SNTB1: variants seen among roughly 807,000 people sequenced by gnomAD.
SNTB1 encodes the protein syntrophin beta 1.
A neutral mutation model predicts 48.9 loss-of-function variants in SNTB1; 36 were observed. The observed-to-expected ratio is 0.74, with a 90% CI of 0.56 to 0.97. SNTB1 has a LOEUF of 0.97. Ranked by LOEUF, SNTB1 falls within the 50% of genes least tolerant of loss-of-function variation. The pLI is 0.00. For synonymous variants in SNTB1, 299 were observed against 294.6 expected (o/e 1.01, Z -0.15); for missense variants, 786 against 703.4 (o/e 1.12, Z -1.33).
At chr8:120,550,671 A>T (rs2130654138) in intron 4 of SNTB1, among the ~76,000 whole-genome samples, 1 of 152,246 alleles carries the variant, frequency 6.6e-6, no homozygotes, top group Non-Finnish European at 1.5e-5. Context: ...ACATGTAGAG[A>T]TTAAGCTCAA....
chr8:120,642,836 C>A (rs1439392953), intron 2 of SNTB1, among the ~76,000 whole-genome samples: 1 of 152,100 alleles, frequency 6.6e-6, no homozygotes, highest in Non-Finnish European at 1.5e-5. Flanking sequence ...TGCTTGGGCC[C>A]AGGTCAAGGC....
intron 3 of SNTB1, among the ~76,000 whole-genome samples, chr8:120,579,383 T>C (rs1816006493): frequency 6.6e-6 from 1 of 152,130 alleles, no homozygotes; most frequent in South Asian, 2.1e-4. Flanking sequence ...TCTTCTAAAA[T>C]ATCTAGAATC....
intron 2 of SNTB1, among the ~76,000 whole-genome samples, chr8:120,651,100 C>T (rs191384174): frequency 6.6e-6 from 1 of 152,132 alleles, no homozygotes; most frequent in African/African-American, 2.4e-5. Flanking sequence ...TCCTAGTTTA[C>T]AATGAACAGT....
At chr8:120,780,021 A>T (rs1161429137) in intron 1 of SNTB1, among the ~76,000 whole-genome samples, 1 of 151,968 alleles carries the variant, frequency 6.6e-6, no homozygotes, top group Non-Finnish European at 1.5e-5. Flanking sequence ...GTTGCAAAAA[A>T]GTAACAGTGG....
At chr8:120,637,779 A>G in intron 2 of SNTB1, 1 of 361,204 alleles carries the variant, frequency 2.8e-6, no homozygotes, top group South Asian at 2.4e-5. Flanking sequence ...TTTCTGCGTC[A>G]TTCTTCTCTA....
intron 3 of SNTB1, among the ~76,000 whole-genome samples, chr8:120,626,280 T>C (rs771376978): frequency 6.6e-6 from 1 of 152,148 alleles, no homozygotes; most frequent in Non-Finnish European, 1.5e-5. Context: ...TAGGGATGAA[T>C]AGATAGATAC....
Position 120,572,700 on chromosome 8 carries a change from C to T in SNTB1, c.1136+2386G>A, listed in dbSNP as rs1166373232. On this transcript the variant is annotated intron_variant, in intron 4 of 6. Coordinates refer to ENST00000517992, the MANE Select transcript of SNTB1 (RefSeq NM_021021.4). ...GGTCAGGAGTTCAAGACCAGCTTGG[C>T]CAACATGGTGAAACCCTGTCTCTAC... Among the ~76,000 whole-genome samples the T allele has an allele frequency of 3.3e-5, 5 of 151,994 alleles. No homozygotes were observed. The South Asian group carries it at 6.2e-4, about 19-fold the overall frequency.
At chr8:120,635,963 C>T in intron 2 of SNTB1, 1 of 557,466 alleles carries the variant, frequency 1.8e-6, no homozygotes, top group Non-Finnish European at 3.0e-6. Context: ...TTCAGATATG[C>T]CCTCTCCTTT....
chr8:120,670,642 G>A (rs1363817753), intron 2 of SNTB1, among the ~76,000 whole-genome samples: 3 of 152,162 alleles, frequency 2.0e-5, no homozygotes, highest in African/African-American at 7.2e-5. Context: ...TTTGTAAGTA[G>A]ATCAAATTAA....
At chr8:120,651,218 A>T (rs754492833) in intron 2 of SNTB1, among the ~76,000 whole-genome samples, 3 of 152,192 alleles carry the variant, frequency 2.0e-5, no homozygotes, top group Non-Finnish European at 4.4e-5. Context: ...GAGTACTGGG[A>T]TTTGCAGAAA....
intron 1 of SNTB1, among the ~76,000 whole-genome samples, chr8:120,745,065 T>C (rs536590602): frequency 4.4e-4 from 67 of 152,058 alleles, no homozygotes; most frequent in African/African-American, 1.6e-3. Context: ...GTGCAGACAT[T>C]AGGACCATAG....
rs377090805 is a variant in SNTB1 at position 120,697,436 on chromosome 8, G to T, written c.572-3528C>A. ...TGCTAAGAACAGTGCTGTCCATGAG[G>T]TATAATAAGAAATGGTCCATGATTA... On this transcript the variant is annotated intron_variant, in intron 1 of 6. Transcript: ENST00000517992. 2.8e-4 allele frequency among the ~76,000 whole-genome samples: 42 copies of T among 152,256 alleles called. 1 individual carries two copies. Among genetic ancestry groups the T allele is most frequent in the South Asian group, 2.1e-4 (1 of 4,820 alleles).
chr8:120,727,208 A>G (rs4478618), intron 1 of SNTB1, among the ~76,000 whole-genome samples: 9,995 of 152,234 alleles, frequency 0.066, 807 homozygotes, highest in East Asian at 0.41. Flanking sequence ...TGTAGTTGTC[A>G]TGCATTAAAA....
rs527565081 is a variant in SNTB1 at position 120,713,099 on chromosome 8, T to C, written c.572-19191A>G. 2.0e-5 allele frequency among the ~76,000 whole-genome samples: 3 copies of C among 152,244 alleles called. 1 individual carries two copies. In the South Asian group the frequency reaches 6.2e-4, roughly 32 times the overall value. On this transcript the variant is annotated intron_variant, in intron 1 of 6. Coordinates refer to ENST00000517992, the MANE Select transcript of SNTB1 (RefSeq NM_021021.4). ...TGTTTTAGAGTGGAAAAACCTGAGC[T>C]AAAGAGTTACGATCATCTGGGTTGA...
intron 2 of SNTB1, among the ~76,000 whole-genome samples, chr8:120,646,101 C>G (rs905463358): frequency 2.7e-5 from 4 of 146,484 alleles, no homozygotes; most frequent in African/African-American, 1.0e-4. Context: ...ACAATCATGT[C>G]GTCTGCAAAC....
At chr8:120,583,933 GCTAT>G (rs1169861555) in intron 3 of SNTB1, among the ~76,000 whole-genome samples, 57 of 152,244 alleles carry the variant, frequency 3.7e-4, no homozygotes, top group African/African-American at 1.3e-3. Context: ...CATTACTGTA[GCTAT>G]CTAATAACAA....
intron 3 of SNTB1, among the ~76,000 whole-genome samples, chr8:120,588,662 T>G (rs571484893): frequency 6.6e-6 from 1 of 152,214 alleles, no homozygotes; most frequent in Non-Finnish European, 1.5e-5. Flanking sequence ...AAGTTACTTA[T>G]CTTCTCCATG....
At chr8:120,674,505 G>A (rs1269348296) in intron 2 of SNTB1, among the ~76,000 whole-genome samples, 1 of 152,226 alleles carries the variant, frequency 6.6e-6, no homozygotes, top group East Asian at 1.9e-4. Flanking sequence ...TTGAGGCATT[G>A]AGACTCAAGT....
At chr8:120,735,961 T>A (rs1228575004) in intron 1 of SNTB1, among the ~76,000 whole-genome samples, 2 of 152,172 alleles carry the variant, frequency 1.3e-5, no homozygotes, top group African/African-American at 4.8e-5. Context: ...CATACTGCTA[T>A]AAAGAATTCC....
Sources: gnomAD v4.1 joint callset for allele counts (sites outside exome capture counted in the v4.1 genomes callset) on GRCh38, gnomAD v4.1.1 for gene constraint, MANE v1.5 for transcripts, NCBI Gene and HGNC (gene_info 2026-07-23, HGNC 2026-07-21) for gene names.